The following SEMA5B variants were observed in gnomAD, a reference collection of about 807,000 sequenced individuals.
The protein encoded by SEMA5B is semaphorin-5B.
Under a neutral mutation model 135.0 loss-of-function variants are expected in SEMA5B, and 66 were observed. The observed-to-expected ratio is 0.49, with a 90% confidence interval of 0.40 to 0.60. The LOEUF is 0.60. Among genes scored for constraint, SEMA5B ranks in the 20% least tolerant of loss-of-function variants. SEMA5B has a pLI of 0.00. For synonymous variants in SEMA5B, 690 were observed against 639.5 expected (o/e 1.08, Z -1.19); for missense variants, 1,501 against 1,566.3 (o/e 0.96, Z 0.70).
At chr3:122,993,621 C>T (rs1227162245) in intron 1 of SEMA5B, among the ~76,000 whole-genome samples, 2 of 152,084 alleles carry the variant, frequency 1.3e-5, no homozygotes, top group Non-Finnish European at 1.5e-5. Context: ...GAGTATCTAT[C>T]GGTCCCTCTC....
intron 1 of SEMA5B, among the ~76,000 whole-genome samples, chr3:122,995,901 T>C (rs1013989352): frequency 1.2e-4 from 19 of 152,232 alleles, no homozygotes; most frequent in African/African-American, 4.6e-4. Flanking sequence ...CTAAAATATC[T>C]GTATATATCC....
intron 2 of SEMA5B, among the ~76,000 whole-genome samples, chr3:122,949,549 C>T (rs1056821919): frequency 6.6e-6 from 1 of 152,218 alleles, no homozygotes; most frequent in Non-Finnish European, 1.5e-5. Flanking sequence ...ATTACAGCCC[C>T]TTCCCAAAGC....
chr3:122,967,517 C>A (rs1181350837), intron 1 of SEMA5B, among the ~76,000 whole-genome samples: 1 of 152,208 alleles, frequency 6.6e-6, no homozygotes, highest in Non-Finnish European at 1.5e-5. Context: ...TAACCCAGTG[C>A]AGACTCCTGG....
intron 3 of SEMA5B, among the ~76,000 whole-genome samples, chr3:122,946,054 G>A (rs948416178): frequency 3.9e-5 from 6 of 152,326 alleles, no homozygotes; most frequent in Middle Eastern, 6.8e-3. Flanking sequence ...AGCACGTTCC[G>A]AGCTCTGTGT....
chr3:122,948,257 G>C (rs958719127), intron 3 of SEMA5B, among the ~76,000 whole-genome samples: 4 of 152,132 alleles, frequency 2.6e-5, no homozygotes, highest in Admixed American at 2.6e-4. Flanking sequence ...CCTTACCCCA[G>C]GTTGGCATGC....
chr3:122,996,739 G>A (rs1007389870), intron 1 of SEMA5B, among the ~76,000 whole-genome samples: 57 of 152,288 alleles, frequency 3.7e-4, no homozygotes, highest in African/African-American at 1.1e-3. Context: ...AAATTGGGAC[G>A]TTCCGTGAGA....
At chr3:122,928,908 C>T (rs1938797435) in intron 6 of SEMA5B, 88 bp downstream of exon 6, 1 of 1,347,786 alleles carries the variant, frequency 7.4e-7, no homozygotes. Context: ...AGCAGGGGAC[C>T]TCAGTCCACA....
At chr3:123,025,341 C>T (rs1479260298) in intron 1 of SEMA5B, among the ~76,000 whole-genome samples, 1 of 152,204 alleles carries the variant, frequency 6.6e-6, no homozygotes, top group Non-Finnish European at 1.5e-5. Context: ...TGTACAGCCA[C>T]TGCATGTTCC....
chr3:122,916,538 C>T (rs1938085237), intron 12 of SEMA5B, among the ~76,000 whole-genome samples: 1 of 152,156 alleles, frequency 6.6e-6, no homozygotes, highest in African/African-American at 2.4e-5. Context: ...TTTCATTGTA[C>T]CAAGGCAAGG....
At chr3:123,024,568 A>G (rs1560457644) in intron 1 of SEMA5B, among the ~76,000 whole-genome samples, 2 of 152,168 alleles carry the variant, frequency 1.3e-5, no homozygotes, top group Admixed American at 6.5e-5. Flanking sequence ...AATGGATGTG[A>G]TGTGCTCAGA....
intron 3 of SEMA5B, among the ~76,000 whole-genome samples, chr3:122,945,985 A>G (rs1168349015): frequency 1.3e-5 from 2 of 152,132 alleles, no homozygotes; most frequent in African/African-American, 2.4e-5. Context: ...GAAGGGAACC[A>G]GCCTGCTCGT....
chr3:122,939,608 A>G (rs1307509110), intron 4 of SEMA5B, 138 bp from the exon 5 acceptor site: 1 of 654,224 alleles, frequency 1.5e-6, no homozygotes, highest in Non-Finnish European at 2.8e-6. Flanking sequence ...GGAGAGCTTT[A>G]CCTCCATTTG....
At chr3:122,914,391 C>T (rs1937951946) in intron 14 of SEMA5B, among the ~76,000 whole-genome samples, 1 of 152,174 alleles carries the variant, frequency 6.6e-6, no homozygotes, top group South Asian at 2.1e-4. Flanking sequence ...AACACTCTGT[C>T]CCCTGTACTA....
rs997684522 is a variant in SEMA5B at position 122,909,101 on chromosome 3, C to T, written c.*1042G>A. On this transcript the variant is annotated 3_prime_UTR_variant, in exon 23 of 23. Transcript: ENST00000357599. ...GATAAGGCTACTTGGGGCATTTCCC[C>T]CGCCTTGAGAGACCATCTGCCACCC... 4.6e-5 allele frequency: 7 copies of T among 152,662 alleles called. No individual in the cohort carries two copies. The highest frequency in any genetic ancestry group is 3.9e-4 in the Admixed American group (6 of 15,284). The allele number at this position is 152,662 out of a possible 1,614,324, so 9.5% of individuals were successfully genotyped here.
chr3:122,999,248 T>C (rs1942107587), intron 1 of SEMA5B, among the ~76,000 whole-genome samples: 1 of 152,144 alleles, frequency 6.6e-6, no homozygotes, highest in African/African-American at 2.4e-5. Flanking sequence ...TTTTTTTAGA[T>C]GGAGTCTCAC....
At chr3:122,949,413 A>G (rs913453231) in intron 2 of SEMA5B, among the ~76,000 whole-genome samples, 1 of 152,272 alleles carries the variant, frequency 6.6e-6, no homozygotes, top group African/African-American at 2.4e-5. Context: ...ATGACAGTGC[A>G]GGAAATCTGA....
At position 123,025,194 on chromosome 3, in the gene SEMA5B, C is replaced by G. The variant is rs7612577; in HGVS notation, c.-39+2270G>C. Among the ~76,000 whole-genome samples the G allele has an allele frequency of 6.0e-4, 91 of 152,298 alleles. 2 individuals are homozygous for G. Among genetic ancestry groups the G allele is most frequent in the African/African-American group, 2.1e-3 (89 of 41,562 alleles). On this transcript the variant is annotated intron_variant, in intron 1 of 22. Coordinates refer to ENST00000357599, the MANE Select transcript of SEMA5B (RefSeq NM_001031702.4). ...AGTGGTAAAGGAACTTTTTCCCCTC[C>G]CTAGTGGGAAAGGAGGTGCTGGCTG...
intron 2 of SEMA5B, among the ~76,000 whole-genome samples, chr3:122,957,117 A>G (rs1560361907): frequency 6.6e-6 from 1 of 152,220 alleles, no homozygotes; most frequent in Non-Finnish European, 1.5e-5. Context: ...TTGAGCACAA[A>G]CCTAAAGATT....
intron 1 of SEMA5B, among the ~76,000 whole-genome samples, chr3:122,997,205 C>G (rs1346027214): frequency 6.6e-6 from 1 of 152,192 alleles, no homozygotes; most frequent in East Asian, 1.9e-4. Context: ...GCTCAGCGTG[C>G]CTGACCGGAC....
Sources: allele counts gnomAD v4.1 joint callset (sites outside exome capture counted in the v4.1 genomes callset), GRCh38; gene constraint gnomAD v4.1.1; transcripts MANE v1.5; gene names NCBI Gene and HGNC (gene_info 2026-07-23, HGNC 2026-07-21).